Variants in OSBP2 observed in about 807,000 individuals in gnomAD.
The protein encoded by OSBP2 is oxysterol binding protein 2.
OSBP2 carries 66 observed loss-of-function variants against 96.0 expected under a neutral mutation model. That is an observed-to-expected ratio of 0.69 (90% CI 0.56 to 0.84). The LOEUF (loss-of-function observed/expected upper bound fraction) is 0.84, where lower values mean the gene tolerates loss of function less well. Ranked by LOEUF, OSBP2 falls within the 40% of genes least tolerant of loss-of-function variation. The pLI is 0.00. For synonymous variants in OSBP2, 525 were observed against 520.9 expected, an observed-to-expected ratio of 1.01 and a Z score of -0.11; for missense variants, 1,038 against 1,222.7, an observed-to-expected ratio of 0.85 and a Z score of 2.25.
Position 30,837,275 on chromosome 22 carries a change from AAAAG to A in OSBP2, c.854-33145_854-33142del, listed in dbSNP as rs1274409724. 3.6e-4 allele frequency among the ~76,000 whole-genome samples: 54 copies of A among 151,944 alleles called. 4 individuals are homozygous for A. Among genetic ancestry groups the A allele is most frequent in the Admixed American group, 1.6e-3 (24 of 15,268 alleles). On this transcript the variant is annotated intron_variant, in intron 2 of 13. Coordinates refer to ENST00000332585, the MANE Select transcript of OSBP2 (RefSeq NM_030758.4). Reference sequence around the variant, plus strand: ...AGACTCTGTCTCAAAAAAAAAAAAAAAAAGAAAGAAAGTTTGCCCATAACCCTAA... The same window carrying A: ...AGACTCTGTCTCAAAAAAAAAAAAAAAAAGAAAGTTTGCCCATAACCCTAA...
At chr22:30,905,381 A>G (rs1410130235) in intron 12 of OSBP2, among the ~76,000 whole-genome samples, 2 of 151,584 alleles carry the variant, frequency 1.3e-5, no homozygotes, top group African/African-American at 4.8e-5. Context: ...TGACCTCGTG[A>G]TCCACCGGCC....
At chr22:30,884,620 C>T (rs916986350) in intron 3 of OSBP2, among the ~76,000 whole-genome samples, 1 of 152,174 alleles carries the variant, frequency 6.6e-6, no homozygotes, top group African/African-American at 2.4e-5. Context: ...CAAGGAGTGG[C>T]ATCCCTGGGG....
At chr22:30,858,367 C>T (rs1310245134) in intron 2 of OSBP2, among the ~76,000 whole-genome samples, 8 of 150,630 alleles carry the variant, frequency 5.3e-5, no homozygotes, top group South Asian at 4.2e-4. Flanking sequence ...AGGATGGTCT[C>T]GATCTCCTGA....
chr22:30,902,458 C>T, intron 12 of OSBP2: 1 of 1,585,086 alleles, frequency 6.3e-7, no homozygotes, highest in South Asian at 1.1e-5. Context: ...AGGCAGAAAA[C>T]AAGATAAAGG....
At chr22:30,758,539 T>C (rs2090168854) in intron 2 of OSBP2, among the ~76,000 whole-genome samples, 1 of 152,156 alleles carries the variant, frequency 6.6e-6, no homozygotes, top group Admixed American at 6.5e-5. Context: ...TACAATTTTT[T>C]CCCTCCAGTA....
At chr22:30,875,070 C>A (rs532010517) in intron 3 of OSBP2, among the ~76,000 whole-genome samples, 1 of 152,324 alleles carries the variant, frequency 6.6e-6, no homozygotes, top group Non-Finnish European at 1.5e-5. Context: ...AGATAAAGCA[C>A]TCCAAGTGGC....
chr22:30,891,523 C>T (rs2039947485), intron 8 of OSBP2, among the ~76,000 whole-genome samples: 2 of 152,210 alleles, frequency 1.3e-5, no homozygotes, highest in Admixed American at 1.3e-4. Flanking sequence ...GTTGCCCTGG[C>T]TCCTGGCATG....
intron 1 of OSBP2, among the ~76,000 whole-genome samples, chr22:30,734,244 C>T (rs563129879): frequency 6.6e-6 from 1 of 152,154 alleles, no homozygotes; most frequent in African/African-American, 2.4e-5. Context: ...GGATTATAGG[C>T]ATGAGCCATC....
chr22:30,747,551 G>C (rs551070313), intron 2 of OSBP2, among the ~76,000 whole-genome samples: 4 of 152,134 alleles, frequency 2.6e-5, no homozygotes, highest in Non-Finnish European at 4.4e-5. Context: ...CCACACACAC[G>C]TATAAAATTA....
intron 3 of OSBP2, among the ~76,000 whole-genome samples, chr22:30,875,928 C>G (rs551885105): frequency 6.6e-6 from 1 of 152,240 alleles, no homozygotes; most frequent in East Asian, 1.9e-4. Context: ...CTTAAAGTGA[C>G]AGGCTGCCAG....
chr22:30,820,818 C>T (rs991837188), intron 2 of OSBP2, among the ~76,000 whole-genome samples: 7 of 152,138 alleles, frequency 4.6e-5, no homozygotes, highest in Admixed American at 4.6e-4. Flanking sequence ...GCTTTCTATC[C>T]CCCTGCCCGG....
chr22:30,698,443 CT>C (rs1186569854), intron 1 of OSBP2, among the ~76,000 whole-genome samples: 2,876 of 143,034 alleles, frequency 0.02, 31 homozygotes, highest in Middle Eastern at 0.055. Context: ...TTTTCTTTTT[CT>C]TTTTTTTTTT....
chr22:30,812,197 G>A (rs1052685316), intron 2 of OSBP2, among the ~76,000 whole-genome samples: 5 of 151,846 alleles, frequency 3.3e-5, no homozygotes, highest in South Asian at 2.1e-4. Flanking sequence ...AGACAGCCTC[G>A]CTCTGTCGCC....
At chr22:30,868,503 C>G (rs1201973421) in intron 2 of OSBP2, among the ~76,000 whole-genome samples, 2 of 152,270 alleles carry the variant, frequency 1.3e-5, no homozygotes, top group Non-Finnish European at 2.9e-5. Context: ...GGGACTGTCC[C>G]ATCCCCAGGC....
intron 2 of OSBP2, among the ~76,000 whole-genome samples, chr22:30,799,499 C>G (rs547109186): frequency 6.6e-6 from 1 of 152,310 alleles, no homozygotes; most frequent in South Asian, 2.1e-4. Flanking sequence ...AATTCAATGC[C>G]TTCTTATTAC....
chr22:30,699,611 C>G (rs935109877), intron 1 of OSBP2, among the ~76,000 whole-genome samples: 1 of 152,142 alleles, frequency 6.6e-6, no homozygotes, highest in Admixed American at 6.5e-5. Flanking sequence ...GAACTGTGAT[C>G]GCTCATTGTA....
At chr22:30,759,839 A>C (rs1289546190) in intron 2 of OSBP2, among the ~76,000 whole-genome samples, 2 of 152,204 alleles carry the variant, frequency 1.3e-5, no homozygotes, top group East Asian at 3.9e-4. Context: ...GGAATGAGTA[A>C]TTTCTTTTCT....
intron 1 of OSBP2, among the ~76,000 whole-genome samples, chr22:30,728,349 C>T (rs780041227): frequency 1.2e-4 from 18 of 149,416 alleles, no homozygotes; most frequent in Admixed American, 4.0e-4. Context: ...GAGCCAAGAT[C>T]GCGCCACTGC....
intron 1 of OSBP2, among the ~76,000 whole-genome samples, chr22:30,704,885 G>C (rs2089226544): frequency 6.6e-6 from 1 of 152,174 alleles, no homozygotes; most frequent in South Asian, 2.1e-4. Context: ...CTTGGAAGCA[G>C]GCCTGTCAAA....
Sources: allele counts gnomAD v4.1 joint callset (sites outside exome capture counted in the v4.1 genomes callset), GRCh38; gene constraint gnomAD v4.1.1; transcripts MANE v1.5; gene names NCBI Gene and HGNC (gene_info 2026-07-23, HGNC 2026-07-21).